Variants in AGTPBP1 observed in about 807,000 individuals in gnomAD.
AGTPBP1 encodes the protein cytosolic carboxypeptidase 1.
In AGTPBP1, 70 loss-of-function variants were observed where a neutral mutation model predicts 143.9. The ratio of observed to expected loss-of-function variants is 0.49; its 90% confidence interval spans 0.40 to 0.59. AGTPBP1 has a LOEUF of 0.59. Among genes scored for constraint, AGTPBP1 ranks in the 20% least tolerant of loss-of-function variants. The pLI, the probability that AGTPBP1 is intolerant of heterozygous loss-of-function variation, is 0.00. For synonymous variants in AGTPBP1, 463 were observed against 500.2 expected (o/e 0.93, Z 0.99); for missense variants, 1,229 against 1,464.5 (o/e 0.84, Z 2.62).
At chr9:85,769,252 T>C in the AGTPBP1 span, among the ~76,000 whole-genome samples, 4 of 152,048 alleles carry the variant, frequency 2.6e-5, no homozygotes, top group Non-Finnish European at 4.4e-5. Context: ...ATGGACAAGA[T>C]AGTCTGCCAC....
chr9:85,760,728 C>G, the AGTPBP1 span, among the ~76,000 whole-genome samples: 1 of 152,294 alleles, frequency 6.6e-6, no homozygotes, highest in Non-Finnish European at 1.5e-5. Flanking sequence ...GATGCCCTCT[C>G]TCACCACTCC....
At chr9:85,560,657 A>G (rs1337854936) in intron 25 of AGTPBP1, among the ~76,000 whole-genome samples, 1 of 152,220 alleles carries the variant, frequency 6.6e-6, no homozygotes, top group East Asian at 1.9e-4. Flanking sequence ...TTAATTAATT[A>G]CATTAAGTAT....
At chr9:85,601,504 C>A (rs1317415037) in intron 17 of AGTPBP1, among the ~76,000 whole-genome samples, 2 of 152,182 alleles carry the variant, frequency 1.3e-5, no homozygotes, top group Admixed American at 6.5e-5. Flanking sequence ...GCCACTACCA[C>A]CACAGCTGGC....
chr9:85,805,182 C>A, the AGTPBP1 span, among the ~76,000 whole-genome samples: 523 of 149,922 alleles, frequency 3.5e-3, 5 homozygotes, highest in African/African-American at 0.013. Context: ...CGGGCGCTCA[C>A]GTCACCGGCG....
chr9:85,598,444 T>G (rs1422515028), intron 17 of AGTPBP1, among the ~76,000 whole-genome samples: 1 of 152,238 alleles, frequency 6.6e-6, no homozygotes, highest in East Asian at 1.9e-4. Context: ...TCTTGTTGAT[T>G]ATATTATTCA....
rs984352935 is a variant in AGTPBP1, at chr9:85,741,884, C to G, written c.-143G>C. On this transcript the variant is annotated 5_prime_UTR_variant, in exon 1 of 26. Coordinates refer to ENST00000357081, the MANE Select transcript of AGTPBP1 (RefSeq NM_001330701.2). Reference sequence around the variant, plus strand: ...CCGCCGCCCGGTGTTTTCATACAAACCCCGGTGGCAGGCGAGGCGGAGGCG... The same window carrying G: ...CCGCCGCCCGGTGTTTTCATACAAAGCCCGGTGGCAGGCGAGGCGGAGGCG... 2 of 1,377,514 alleles carry G rather than the reference C, an allele frequency of 1.5e-6. No homozygotes were observed. The allele number at this position is 1,377,514 out of a possible 1,614,324, so 85.3% of individuals were successfully genotyped here.
chr9:85,765,110 T>C, the AGTPBP1 span: 1 of 482,390 alleles, frequency 2.1e-6, no homozygotes, highest in Non-Finnish European at 3.8e-6. Flanking sequence ...GAGACTGAGA[T>C]ATCCTTACAT....
rs112955824 is a variant in AGTPBP1 at position 85,681,203 on chromosome 9, G to A, written c.225+65C>T. The A allele has an allele frequency of 3.8e-4, 543 of 1,412,886 alleles. 2 individuals carry two copies. Among genetic ancestry groups the A allele is most frequent in the African/African-American group, 3.2e-3 (229 of 70,638 alleles). 87.5% of individuals were successfully genotyped at this position (1,412,886 alleles called of 1,614,324 possible). A position where few individuals can be genotyped will look rare whatever the true frequency, so the allele number is the denominator to read the frequency against. ...TGTGTGTATTTATACACACACATACGCTTTTTCTTCTTCAGTATTGCTTGG... is the reference window on the plus strand; with the variant it reads ...TGTGTGTATTTATACACACACATACACTTTTTCTTCTTCAGTATTGCTTGG... On this transcript the variant is annotated intron_variant, in intron 4 of 25. Coordinates refer to ENST00000357081, the MANE Select transcript of AGTPBP1 (RefSeq NM_001330701.2).
chr9:85,603,949 G>A lies in AGTPBP1; in HGVS notation c.2336-7500C>T, dbSNP rs576444832. 3.9e-5 allele frequency among the ~76,000 whole-genome samples: 6 copies of A among 152,282 alleles called. No individual in the cohort carries two copies. In the South Asian group the frequency reaches 1.2e-3, roughly 32 times the overall value. On this transcript the variant is annotated intron_variant, in intron 17 of 25. Coordinates refer to ENST00000357081, the MANE Select transcript of AGTPBP1 (RefSeq NM_001330701.2). ...GGAAGAACTTTGTCTTGCAGTTTGG[G>A]TGCCAGCTTAGCTGCAGCAGAATAG...
chr9:85,581,776 T>C (rs922000455), intron 23 of AGTPBP1, among the ~76,000 whole-genome samples: 1 of 152,208 alleles, frequency 6.6e-6, no homozygotes, highest in African/African-American at 2.4e-5. Flanking sequence ...AAGGATGCTA[T>C]GATGTTCCCC....
At chr9:85,760,579 C>G in the AGTPBP1 span, among the ~76,000 whole-genome samples, 62 of 152,218 alleles carry the variant, frequency 4.1e-4, no homozygotes, top group Admixed American at 7.2e-4. Flanking sequence ...GCCCTTCATG[C>G]TAAAAACTCT....
At chr9:85,647,911 C>T (rs547362720) in intron 11 of AGTPBP1, among the ~76,000 whole-genome samples, 1 of 152,190 alleles carries the variant, frequency 6.6e-6, no homozygotes, top group South Asian at 2.1e-4. Context: ...CCAAGTAGTA[C>T]TGACTTTTAA....
At chr9:85,695,512 C>T (rs1836166015) in intron 2 of AGTPBP1, among the ~76,000 whole-genome samples, 1 of 152,156 alleles carries the variant, frequency 6.6e-6, no homozygotes, top group Non-Finnish European at 1.5e-5. Flanking sequence ...ATGATGGGTA[C>T]AGAGTTGGCA....
chr9:85,667,903 T>TAAA (rs11433029), intron 8 of AGTPBP1, among the ~76,000 whole-genome samples: 85 of 99,278 alleles, frequency 8.6e-4, no homozygotes, highest in East Asian at 4.0e-3. Context: ...AAGCCAACTG[T>TAAA]AAAAAAAAAA....
At chr9:85,620,398 A>C (rs1221041955) in intron 15 of AGTPBP1, among the ~76,000 whole-genome samples, 1 of 150,148 alleles carries the variant, frequency 6.7e-6, no homozygotes, top group Admixed American at 6.6e-5. Context: ...AGCCTAGGAG[A>C]CAGAGTGCAT....
At chr9:85,754,301 C>CT in the AGTPBP1 span, among the ~76,000 whole-genome samples, 8,614 of 152,270 alleles carry the variant, frequency 0.057, 344 homozygotes, top group African/African-American at 0.11. Context: ...ACACCATTCT[C>CT]TGCCTCAGCC....
chr9:85,629,731 C>T (rs990795053), intron 14 of AGTPBP1, among the ~76,000 whole-genome samples: 3 of 152,124 alleles, frequency 2.0e-5, no homozygotes, highest in South Asian at 2.1e-4. Flanking sequence ...ATCAAGTAAA[C>T]GGAGTTTAGC....
At chr9:85,669,836 A>T (rs1214904365) in intron 7 of AGTPBP1, among the ~76,000 whole-genome samples, 1 of 151,670 alleles carries the variant, frequency 6.6e-6, no homozygotes, top group Non-Finnish European at 1.5e-5. Context: ...AAAATTCTTC[A>T]GTTACTCTAT....
At chr9:85,767,586 T>A in the AGTPBP1 span, among the ~76,000 whole-genome samples, 1 of 152,134 alleles carries the variant, frequency 6.6e-6, no homozygotes, top group African/African-American at 2.4e-5. Flanking sequence ...GACCTCGTGA[T>A]CCACCCACCT....
Sources: gnomAD v4.1 joint callset for allele counts (sites outside exome capture counted in the v4.1 genomes callset) on GRCh38, gnomAD v4.1.1 for gene constraint, MANE v1.5 for transcripts, NCBI Gene and HGNC (gene_info 2026-07-23, HGNC 2026-07-21) for gene names.